Variants in GALNT13 observed in about 807,000 individuals in gnomAD.
The protein encoded by GALNT13 is polypeptide N-acetylgalactosaminyltransferase 13.
In GALNT13, 28 loss-of-function variants were observed where a neutral mutation model predicts 64.2. The ratio of observed to expected loss-of-function variants is 0.44; its 90% CI spans 0.32 to 0.60. GALNT13 has a LOEUF of 0.60. Among genes scored for constraint, GALNT13 ranks in the 20% least tolerant of loss-of-function variants. GALNT13 has a pLI of 0.05. For synonymous variants in GALNT13, 214 were observed against 224.6 expected, an observed-to-expected ratio of 0.95 and a Z score of 0.42; for missense variants, 577 against 669.8, an observed-to-expected ratio of 0.86 and a Z score of 1.53.
chr2:153,784,701 G>T, the GALNT13 span, among the ~76,000 whole-genome samples: 1 of 152,148 alleles, frequency 6.6e-6, no homozygotes, highest in Non-Finnish European at 1.5e-5. Context: ...ATACCCCTAG[G>T]GTTGAATCCA....
At chr2:154,316,360 T>C (rs1037084708) in intron 9 of GALNT13, among the ~76,000 whole-genome samples, 3 of 152,310 alleles carry the variant, frequency 2.0e-5, no homozygotes, top group Admixed American at 1.3e-4. Flanking sequence ...TTTGTACAAC[T>C]TAAAAATTTA....
intron 4 of GALNT13, among the ~76,000 whole-genome samples, chr2:154,201,746 A>G (rs1687182924): frequency 6.6e-6 from 1 of 152,058 alleles, no homozygotes; most frequent in South Asian, 2.1e-4. Flanking sequence ...TGCCATAAGC[A>G]TGTGTGTTTG....
chr2:153,566,347 C>CTTTTTTTT, the GALNT13 span, among the ~76,000 whole-genome samples: 10 of 76,418 alleles, frequency 1.3e-4, no homozygotes, highest in African/African-American at 2.2e-4. Flanking sequence ...CTTCTAATCA[C>CTTTTTTTT]GTTTTTTTTT....
chr2:154,381,117 G>A (rs1480194767), intron 9 of GALNT13, among the ~76,000 whole-genome samples: 1 of 152,034 alleles, frequency 6.6e-6, no homozygotes, highest in Non-Finnish European at 1.5e-5. Context: ...CAAGGGCAAG[G>A]GGTCACACCT....
At chr2:154,185,534 T>C (rs1316180531) in intron 4 of GALNT13, among the ~76,000 whole-genome samples, 1 of 151,920 alleles carries the variant, frequency 6.6e-6, no homozygotes, top group African/African-American at 2.4e-5. Context: ...TTTTCTTCAC[T>C]TTTTTATTGT....
At chr2:153,130,029 C>T in the GALNT13 span, among the ~76,000 whole-genome samples, 8 of 152,262 alleles carry the variant, frequency 5.3e-5, no homozygotes, top group East Asian at 1.5e-3. Context: ...CGTACTTGGG[C>T]CCACAGCCTT....
intron 3 of GALNT13, among the ~76,000 whole-genome samples, chr2:154,135,856 T>C (rs569009828): frequency 1.2e-4 from 19 of 152,222 alleles, no homozygotes; most frequent in African/African-American, 4.3e-4. Context: ...AAGCAATTAC[T>C]CAAATAATTA....
At chr2:153,312,312 G>C in the GALNT13 span, among the ~76,000 whole-genome samples, 1 of 152,162 alleles carries the variant, frequency 6.6e-6, no homozygotes, top group Non-Finnish European at 1.5e-5. Flanking sequence ...TCCATGACAC[G>C]GGGGATGCTT....
chr2:154,064,694 C>G (rs1329899828), intron 3 of GALNT13, among the ~76,000 whole-genome samples: 1 of 152,012 alleles, frequency 6.6e-6, no homozygotes, highest in African/African-American at 2.4e-5. Flanking sequence ...ACTTGCTGAC[C>G]AAAGAACCGT....
rs879875555 is a variant in GALNT13, at chr2:154,356,478, A to AAAT, written c.1157-39512_1157-39510dup. 4.3e-3 allele frequency among the ~76,000 whole-genome samples: 652 copies of AAAT among 152,104 alleles called. 3 individuals are homozygous for AAAT. Among genetic ancestry groups the AAAT allele is most frequent in the African/African-American group, 0.015 (612 of 41,542 alleles). On this transcript the variant is annotated intron_variant, in intron 9 of 12. Coordinates refer to ENST00000392825, the MANE Select transcript of GALNT13 (RefSeq NM_052917.4). ...AATACATGAGAAATTATTTTGAAAA[A>AAAT]AATTGTATAGGGTGGATGTCACAGA... is the stretch of plus-strand genomic sequence containing the variant.
At chr2:154,389,159 G>A (rs901831099) in intron 9 of GALNT13, among the ~76,000 whole-genome samples, 72 of 152,190 alleles carry the variant, frequency 4.7e-4, no homozygotes, top group African/African-American at 1.7e-3. Context: ...TTTTTGAGAT[G>A]TGGTCTCGCT....
chr2:153,391,685 A>C, the GALNT13 span, among the ~76,000 whole-genome samples: 1 of 152,040 alleles, frequency 6.6e-6, no homozygotes. Context: ...ATGATAGAGT[A>C]TGAACTTGAT....
chr2:153,722,570 TAAAG>T, the GALNT13 span, among the ~76,000 whole-genome samples: 8,836 of 149,766 alleles, frequency 0.059, 337 homozygotes, highest in Admixed American at 0.096. Context: ...ACAAGACTAA[TAAAG>T]AAAAAAAGAA....
At chr2:154,313,684 A>ATC (rs1219717930) in intron 9 of GALNT13, among the ~76,000 whole-genome samples, 95 of 151,790 alleles carry the variant, frequency 6.3e-4, no homozygotes, top group Non-Finnish European at 1.1e-3. Context: ...TGATTTCCTG[A>ATC]CCTGGTGATC....
At chr2:153,592,680 T>C in the GALNT13 span, among the ~76,000 whole-genome samples, 6 of 152,024 alleles carry the variant, frequency 3.9e-5, no homozygotes, top group African/African-American at 1.2e-4. Flanking sequence ...TTATAGACAA[T>C]GGATAAGGAC....
chr2:154,182,147 G>A (rs923279998), intron 4 of GALNT13, among the ~76,000 whole-genome samples: 2 of 152,072 alleles, frequency 1.3e-5, no homozygotes, highest in African/African-American at 2.4e-5. Context: ...AGAAACAAAC[G>A]CTTATAGAGG....
At chr2:153,612,681 T>C in the GALNT13 span, among the ~76,000 whole-genome samples, 1 of 152,130 alleles carries the variant, frequency 6.6e-6, no homozygotes, top group Non-Finnish European at 1.5e-5. Flanking sequence ...AGTGGTTATT[T>C]TGACATCTGC....
intron 9 of GALNT13, among the ~76,000 whole-genome samples, chr2:154,335,315 C>T (rs1695379376): frequency 6.6e-6 from 1 of 151,996 alleles, no homozygotes; most frequent in Admixed American, 6.6e-5. Flanking sequence ...GACAAATGAG[C>T]AGAACTATCT....
At chr2:154,191,599 T>C (rs1469020997) in intron 4 of GALNT13, among the ~76,000 whole-genome samples, 1 of 152,214 alleles carries the variant, frequency 6.6e-6, no homozygotes, top group Non-Finnish European at 1.5e-5. Flanking sequence ...CTTGGAGAGA[T>C]GCTTAACTGA....
Sources: allele counts gnomAD v4.1 joint callset (sites outside exome capture counted in the v4.1 genomes callset), GRCh38; gene constraint gnomAD v4.1.1; transcripts MANE v1.5; gene names NCBI Gene and HGNC (gene_info 2026-07-23, HGNC 2026-07-21).